The following TRIM54 variants were observed in gnomAD, a reference collection of about 807,000 sequenced individuals.
The protein encoded by TRIM54 is tripartite motif-containing protein 54.
A neutral mutation model predicts 42.0 loss-of-function variants in TRIM54; 40 were observed. That is an observed-to-expected ratio of 0.95 (90% CI 0.74 to 1.24). The LOEUF is 1.24. Ranked by LOEUF, TRIM54 falls within the 50% of genes most tolerant of loss-of-function variation. TRIM54 has a pLI of 0.00. For missense variants in TRIM54, 485 were observed against 480.3 expected, an observed-to-expected ratio of 1.01 and a Z score of -0.09; for synonymous variants, 199 against 194.9, an observed-to-expected ratio of 1.02 and a Z score of -0.17.
In TRIM54 at chr2:27,298,552, C is replaced by T. The variant is rs1188669511; in HGVS notation, c.169-15C>T. ...CCTCCCCGTGCCTGTTCTCTCAAGC[C>T]ATCTGTCCCTGCAGGCCTCGAATCC... On this transcript the variant is annotated splice_polypyrimidine_tract_variant and intron_variant, in intron 1 of 8. Transcript: ENST00000380075. 6 of 1,606,896 alleles carry T rather than the reference C, an allele frequency of 3.7e-6. No individual in the cohort carries two copies. The African/African-American group carries it at 5.4e-5, about 14-fold the overall frequency.
chr2:27,286,182 A>T (rs1294788937), intron 1 of TRIM54, among the ~76,000 whole-genome samples: 2 of 149,682 alleles, frequency 1.3e-5, no homozygotes, highest in Admixed American at 6.7e-5. Context: ...TTTTTTTGAG[A>T]TGGTGTCACA....
chr2:27,305,229 C>T (rs975452799), intron 4 of TRIM54, 175 bp downstream of exon 4: 9 of 615,746 alleles, frequency 1.5e-5, no homozygotes, highest in South Asian at 6.1e-5. Flanking sequence ...CCAGCTTTGC[C>T]GCAAAACTTT....
chr2:27,306,893 G>T lies in TRIM54; in HGVS notation c.*8G>T. ...CCTTCTTTCCCGGGCACAGGCCTGC[G>T]CCGACCCGACCCTGCTCGAGAGCCC... On this transcript the variant is annotated 3_prime_UTR_variant, in exon 9 of 9. Coordinates refer to ENST00000380075, the MANE Select transcript of TRIM54 (RefSeq NM_187841.3). The surrounding 1 kb of genome is among the most constrained non-coding windows in gnomAD (Gnocchi z 6.1). The T allele has an allele frequency of 5.3e-6, 2 of 378,274 alleles. No individual in the cohort carries two copies. The highest frequency in any genetic ancestry group is 3.6e-5 in the South Asian group (1 of 27,966). 23.4% of individuals were successfully genotyped at this position (378,274 alleles called of 1,614,324 possible).
At chr2:27,286,600 C>T (rs1455244663) in intron 1 of TRIM54, among the ~76,000 whole-genome samples, 1 of 152,140 alleles carries the variant, frequency 6.6e-6, no homozygotes, top group African/African-American at 2.4e-5. Context: ...ATTTTTATAC[C>T]TGCCTCCACT....
At chr2:27,303,214 C>T (rs1252632258) in intron 3 of TRIM54, among the ~76,000 whole-genome samples, 1 of 152,072 alleles carries the variant, frequency 6.6e-6, no homozygotes, top group Non-Finnish European at 1.5e-5. Context: ...CTAGAGAGAC[C>T]AGACTATTCC....
At chr2:27,291,422 A>G (rs1355751013) in intron 1 of TRIM54, among the ~76,000 whole-genome samples, 1 of 152,074 alleles carries the variant, frequency 6.6e-6, no homozygotes, top group Non-Finnish European at 1.5e-5. Context: ...CTTATTCTAT[A>G]CAATGTAATC....
chr2:27,303,308 CACTTTG>C lies in TRIM54; in HGVS notation c.514-1650_514-1645del, dbSNP rs1679087702. Among the ~76,000 whole-genome samples, 3 of 152,276 alleles carry C rather than the reference CACTTTG, an allele frequency of 2.0e-5. No individual in the cohort carries two copies. In the South Asian group the frequency reaches 6.2e-4, roughly 32 times the overall value. On this transcript the variant is annotated intron_variant, in intron 3 of 8. Transcript: ENST00000380075. ...CAGTGGCTCACGCCTGTAATCTCAA[CACTTTG>C]GGAGGCCGAGGCGGGCGGATCACTA...
At chr2:27,285,225 C>G (rs1333393706) in intron 1 of TRIM54, among the ~76,000 whole-genome samples, 1 of 152,212 alleles carries the variant, frequency 6.6e-6, no homozygotes, top group Non-Finnish European at 1.5e-5. Context: ...CAATATATCT[C>G]AGTAGATCTC....
intron 1 of TRIM54, among the ~76,000 whole-genome samples, chr2:27,296,015 T>A (rs1678857792): frequency 6.6e-6 from 1 of 152,174 alleles, no homozygotes; most frequent in African/African-American, 2.4e-5. Context: ...CTGCCCCAGG[T>A]TTATGATGGG....
intron 1 of TRIM54, among the ~76,000 whole-genome samples, chr2:27,284,367 A>G (rs1482395521): frequency 6.6e-6 from 1 of 152,104 alleles, no homozygotes; most frequent in African/African-American, 2.4e-5. Context: ...CCATCCCACA[A>G]TGTACCCTGT....
In TRIM54 at chr2:27,307,186, A is replaced by G; in HGVS notation, c.*301A>G. 1 of 372,644 alleles carries G rather than the reference A, an allele frequency of 2.7e-6. No homozygotes were observed. Among genetic ancestry groups the G allele is most frequent in the Non-Finnish European group, 4.9e-6 (1 of 202,900 alleles). The allele number at this position is 372,644 out of a possible 1,614,324, so 23.1% of individuals were successfully genotyped here. On this transcript the variant is annotated 3_prime_UTR_variant, in exon 9 of 9. Transcript: ENST00000380075. The surrounding 1 kb of genome is among the most constrained non-coding windows in gnomAD (Gnocchi z 6.9). The stretch of plus-strand genomic sequence containing the variant: ...AACTGGTGAGCCCAGCGCCCTGGGA[A>G]GAGGGCCGAGGGCGGGGCGGTGGTG...
intron 3 of TRIM54, among the ~76,000 whole-genome samples, chr2:27,301,501 G>A (rs1165908827): frequency 6.6e-6 from 1 of 152,118 alleles, no homozygotes; most frequent in East Asian, 1.9e-4. Flanking sequence ...GATTATTCAT[G>A]CCTTCCCTTT....
At chr2:27,305,371 G>A (rs906933113) in intron 4 of TRIM54, 2 of 595,244 alleles carry the variant, frequency 3.4e-6, no homozygotes, top group African/African-American at 1.9e-5. Flanking sequence ...TAAAAACCAG[G>A]GCTAGGGATA....
intron 1 of TRIM54, among the ~76,000 whole-genome samples, chr2:27,286,403 G>T (rs1309902338): frequency 6.6e-6 from 1 of 152,026 alleles, no homozygotes; most frequent in African/African-American, 2.4e-5. Context: ...GAAACACCAA[G>T]ACACCACATT....
At chr2:27,297,980 CA>C (rs60106105) in intron 1 of TRIM54, among the ~76,000 whole-genome samples, 491 of 56,896 alleles carry the variant, frequency 8.6e-3, no homozygotes, top group African/African-American at 0.015. Context: ...GAACCTGTCT[CA>C]AAAAAAAAAA....
intron 2 of TRIM54, among the ~76,000 whole-genome samples, chr2:27,298,960 G>A (rs567797202): frequency 6.6e-6 from 1 of 152,136 alleles, no homozygotes; most frequent in African/African-American, 2.4e-5. Context: ...CCTGGGAGAG[G>A]CTGGCAGTCC....
rs1355502539 is a variant in TRIM54, at chr2:27,306,888, C to A, written c.*3C>A. On this transcript the variant is annotated splice_region_variant and 3_prime_UTR_variant, in exon 9 of 9. Coordinates refer to ENST00000380075, the MANE Select transcript of TRIM54 (RefSeq NM_187841.3). The surrounding 1 kb of genome is among the most constrained non-coding windows in gnomAD (Gnocchi z 6.1). ...CCGAGCCTTCTTTCCCGGGCACAGGCCTGCGCCGACCCGACCCTGCTCGAG... is the reference window on the plus strand; with the variant it reads ...CCGAGCCTTCTTTCCCGGGCACAGGACTGCGCCGACCCGACCCTGCTCGAG... 2.6e-6 allele frequency: 1 copy of A among 386,064 alleles called. No homozygotes were observed. Among genetic ancestry groups the A allele is most frequent in the Non-Finnish European group, 4.7e-6 (1 of 211,962 alleles). The allele number at this position is 386,064 out of a possible 1,614,324, so 23.9% of individuals were successfully genotyped here.
At chr2:27,293,159 G>A (rs898817960) in intron 1 of TRIM54, among the ~76,000 whole-genome samples, 1 of 151,962 alleles carries the variant, frequency 6.6e-6, no homozygotes, top group Non-Finnish European at 1.5e-5. Flanking sequence ...TGCATCTTTT[G>A]TTGGATTCTG....
At chr2:27,287,511 AG>A (rs748049000) in intron 1 of TRIM54, among the ~76,000 whole-genome samples, 8 of 151,296 alleles carry the variant, frequency 5.3e-5, no homozygotes, top group Non-Finnish European at 1.2e-4. Context: ...CTGACCGAAA[AG>A]GGTGTTTTAA....
Sources: allele counts gnomAD v4.1 joint callset (sites outside exome capture counted in the v4.1 genomes callset), GRCh38; gene constraint gnomAD v4.1.1; non-coding constraint Gnocchi (gnomAD v3.1); transcripts MANE v1.5; gene names NCBI Gene and HGNC (gene_info 2026-07-23, HGNC 2026-07-21).